IFT56: variants seen among roughly 807,000 people sequenced by gnomAD.
The protein encoded by IFT56 is intraflagellar transport protein 56.
the IFT56 span, among the ~76,000 whole-genome samples, chr7:139,165,997 G>C: frequency 6.6e-6 from 1 of 151,932 alleles, no homozygotes; most frequent in Non-Finnish European, 1.5e-5. Flanking sequence ...TTACTCTGTC[G>C]CCCAGGCTGG....
chr7:139,147,718 A>G, the IFT56 span, among the ~76,000 whole-genome samples: 1 of 152,222 alleles, frequency 6.6e-6, no homozygotes, highest in Non-Finnish European at 1.5e-5. Flanking sequence ...TTATAGTTAC[A>G]TCGTAGGTAA....
At chr7:139,147,959 A>G in the IFT56 span, among the ~76,000 whole-genome samples, 8 of 152,212 alleles carry the variant, frequency 5.3e-5, no homozygotes, top group Non-Finnish European at 8.8e-5. Flanking sequence ...TATTGCATAT[A>G]TTAGTTTTTC....
chr7:139,137,372 T>C, the IFT56 span, among the ~76,000 whole-genome samples: 3 of 152,172 alleles, frequency 2.0e-5, no homozygotes, highest in Non-Finnish European at 4.4e-5. Context: ...TTAGTAAATA[T>C]ATGCGTGTGT....
the IFT56 span, among the ~76,000 whole-genome samples, chr7:139,150,713 A>G: frequency 6.6e-6 from 1 of 152,214 alleles, no homozygotes; most frequent in African/African-American, 2.4e-5. Flanking sequence ...GGTCTGTATT[A>G]CATTGTTCAG....
chr7:139,186,891 G>C, the IFT56 span, among the ~76,000 whole-genome samples: 2 of 150,094 alleles, frequency 1.3e-5, no homozygotes, highest in Non-Finnish European at 2.9e-5. Flanking sequence ...TCAGGAGATC[G>C]AGACCATCCT....
At chr7:139,167,859 A>G in the IFT56 span, among the ~76,000 whole-genome samples, 2 of 151,876 alleles carry the variant, frequency 1.3e-5, no homozygotes, top group South Asian at 4.2e-4. Context: ...GAGAATTGCT[A>G]AAACCCTGGG....
At chr7:139,136,523 C>T in the IFT56 span, among the ~76,000 whole-genome samples, 2 of 152,126 alleles carry the variant, frequency 1.3e-5, no homozygotes, top group African/African-American at 4.8e-5. Context: ...GATGGTGGCT[C>T]ACTGCAGCCT....
At chr7:139,142,717 A>T in the IFT56 span, among the ~76,000 whole-genome samples, 1 of 152,172 alleles carries the variant, frequency 6.6e-6, no homozygotes, top group African/African-American at 2.4e-5. Context: ...CTTTAATCCC[A>T]GCTACTGAGG....
At chr7:139,148,116 G>A in the IFT56 span, 1 of 1,218,850 alleles carries the variant, frequency 8.2e-7, no homozygotes, top group Non-Finnish European at 1.2e-6. Context: ...TTCATGAACT[G>A]TCCTCTTTGC....
the IFT56 span, among the ~76,000 whole-genome samples, chr7:139,135,076 C>A: frequency 1.3e-5 from 2 of 152,096 alleles, no homozygotes; most frequent in Admixed American, 1.3e-4. Flanking sequence ...GTCAAGAGAT[C>A]GAGACCATCC....
the IFT56 span, among the ~76,000 whole-genome samples, chr7:139,145,570 G>A: frequency 3.3e-5 from 5 of 151,976 alleles, no homozygotes; most frequent in Non-Finnish European, 7.4e-5. Context: ...GATTACAAGT[G>A]TGCACTGCCA....
At chr7:139,149,034 G>A in the IFT56 span, among the ~76,000 whole-genome samples, 4 of 151,744 alleles carry the variant, frequency 2.6e-5, no homozygotes, top group Admixed American at 6.6e-5. Flanking sequence ...GGCCAGGCAC[G>A]GTGGCTCACG....
chr7:139,168,130 A>G, the IFT56 span, among the ~76,000 whole-genome samples: 9 of 152,120 alleles, frequency 5.9e-5, no homozygotes, highest in Non-Finnish European at 1.2e-4. Flanking sequence ...AGAATTTACA[A>G]ATATGGTAAA....
chr7:139,187,485 A>G, the IFT56 span: 5 of 1,614,194 alleles, frequency 3.1e-6, no homozygotes, highest in Middle Eastern at 1.6e-4. Context: ...TGGGAAGGCA[A>G]ACGGGGTGCC....
the IFT56 span, among the ~76,000 whole-genome samples, chr7:139,157,070 A>G: frequency 2.0e-5 from 3 of 150,356 alleles, no homozygotes; most frequent in African/African-American, 4.9e-5. Context: ...GAGATAATTG[A>G]TAGTTTTAAA....
chr7:139,140,848 G>A, the IFT56 span, among the ~76,000 whole-genome samples: 8 of 151,236 alleles, frequency 5.3e-5, 2 homozygotes, highest in African/African-American at 1.9e-4. Context: ...CAGAGAAAGT[G>A]GGCACTGTAA....
At chr7:139,134,717 G>A in the IFT56 span, 5 of 1,613,972 alleles carry the variant, frequency 3.1e-6, no homozygotes, top group African/African-American at 5.3e-5. Context: ...AAAGAAAGAA[G>A]AAAGGTAGGA....
the IFT56 span, chr7:139,173,329 G>A: frequency 2.2e-6 from 1 of 456,456 alleles, no homozygotes; most frequent in Non-Finnish European, 3.9e-6. Flanking sequence ...CTGGGTTCAA[G>A]CGATTTTCTT....
the IFT56 span, chr7:139,173,536 C>G: frequency 1.3e-6 from 1 of 772,136 alleles, no homozygotes; most frequent in Admixed American, 1.7e-5. Context: ...GCAAAGTCAC[C>G]TTTTTATACT....
Sources: allele counts gnomAD v4.1 joint callset (sites outside exome capture counted in the v4.1 genomes callset), GRCh38; gene constraint gnomAD v4.1.1; transcripts MANE v1.5; gene names NCBI Gene and HGNC (gene_info 2026-07-23, HGNC 2026-07-21).